PALLD: variants seen among roughly 807,000 people sequenced by gnomAD.
PALLD encodes palladin.
In PALLD, 61 loss-of-function variants were observed where a neutral mutation model predicts 123.5. That is an observed-to-expected ratio of 0.49 (90% CI 0.40 to 0.61). The LOEUF is 0.61. Ranked by LOEUF, PALLD falls within the 20% of genes least tolerant of loss-of-function variation. The pLI, the probability that PALLD is intolerant of heterozygous loss-of-function variation, is 0.00. For missense variants in PALLD, 1,273 were observed against 1,377.0 expected, an observed-to-expected ratio of 0.92 and a Z score of 1.20; for synonymous variants, 465 against 496.4, an observed-to-expected ratio of 0.94 and a Z score of 0.84.
At chr4:168,924,531 T>C (rs1762201462) in intron 19 of PALLD, 111 bp downstream of exon 19, 2 of 1,078,696 alleles carry the variant, frequency 1.9e-6, no homozygotes, top group East Asian at 2.4e-5. Context: ...CATAGATGTT[T>C]TGATTTTTGA....
chr4:168,551,457 A>T lies in PALLD; in HGVS notation c.908+39045A>T, dbSNP rs202242703. 2.6e-5 allele frequency among the ~76,000 whole-genome samples: 4 copies of T among 152,320 alleles called. No homozygotes were observed. The East Asian group carries it at 7.7e-4, about 29-fold the overall frequency. ...ACAATTCTTTTATTGTGTAAATGGTAGAATTCCTGAGTGCTTGGTGCATTA... is the reference window on the plus strand; with the variant it reads ...ACAATTCTTTTATTGTGTAAATGGTTGAATTCCTGAGTGCTTGGTGCATTA... On this transcript the variant is annotated intron_variant, in intron 2 of 21. Coordinates refer to ENST00000505667, the MANE Select transcript of PALLD (RefSeq NM_001166108.2).
chr4:168,760,798 T>A (rs1323477749), intron 10 of PALLD, among the ~76,000 whole-genome samples: 1 of 152,206 alleles, frequency 6.6e-6, no homozygotes, highest in African/African-American at 2.4e-5. Flanking sequence ...TCCTTGAAAT[T>A]GAAACCTAGA....
In PALLD at chr4:168,926,200, T is replaced by C. The variant is rs1322010330; in HGVS notation, c.*33-13T>C. On this transcript the variant is annotated splice_polypyrimidine_tract_variant and intron_variant, in intron 21 of 21. Transcript: ENST00000505667. ...CTTGATTAAAAATCTTAATTTACTC[T>C]TTTTCTTTGTAGCCCAGTGGCATCA... The C allele has an allele frequency of 1.3e-6, 2 of 1,506,668 alleles. No homozygotes were observed. The highest frequency in any genetic ancestry group is 1.8e-6 in the Non-Finnish European group (2 of 1,132,250). 93.3% of individuals were successfully genotyped at this position (1,506,668 alleles called of 1,614,324 possible).
intron 10 of PALLD, among the ~76,000 whole-genome samples, chr4:168,735,892 C>T (rs1166727657): frequency 6.6e-6 from 1 of 152,208 alleles, no homozygotes; most frequent in Non-Finnish European, 1.5e-5. Flanking sequence ...TTGCAAATTA[C>T]TTTCATTGCC....
At chr4:168,515,539 C>A (rs1762909092) in intron 2 of PALLD, among the ~76,000 whole-genome samples, 1 of 152,116 alleles carries the variant, frequency 6.6e-6, no homozygotes, top group Non-Finnish European at 1.5e-5. Context: ...AGACGCTCCT[C>A]AGTGTTGGGT....
Position 168,927,673 on chromosome 4 carries a change from A to G in PALLD, c.*1493A>G. Reference sequence around the variant, plus strand: ...TGCTGCCATGAAACTTTGCCTTAAGAAGGTGCTGGATTCCAAGGTTTGTAA... The same window carrying G: ...TGCTGCCATGAAACTTTGCCTTAAGGAGGTGCTGGATTCCAAGGTTTGTAA... On this transcript the variant is annotated 3_prime_UTR_variant, in exon 22 of 22. Transcript: ENST00000505667. 4.4e-6 allele frequency: 1 copy of G among 226,158 alleles called. No individual in the cohort carries two copies. Among genetic ancestry groups the G allele is most frequent in the Admixed American group, 5.7e-5 (1 of 17,570 alleles). The allele number at this position is 226,158 out of a possible 1,614,324, so 14.0% of individuals were successfully genotyped here.
At chr4:168,765,076 T>C (rs985472769) in intron 10 of PALLD, among the ~76,000 whole-genome samples, 42 of 152,200 alleles carry the variant, frequency 2.8e-4, no homozygotes, top group Admixed American at 1.2e-3. Context: ...TTATCAGGCT[T>C]AGGAATCAGA....
intron 2 of PALLD, among the ~76,000 whole-genome samples, chr4:168,659,865 A>T (rs1005403362): frequency 6.6e-6 from 1 of 152,230 alleles, no homozygotes; most frequent in Middle Eastern, 3.2e-3. Flanking sequence ...CATAAAATCT[A>T]TATTTCCTGC....
chr4:168,647,029 T>G (rs1024383125), intron 2 of PALLD, among the ~76,000 whole-genome samples: 1 of 152,180 alleles, frequency 6.6e-6, no homozygotes, highest in African/African-American at 2.4e-5. Flanking sequence ...TCAATGTGCA[T>G]AGCAAAAATA....
chr4:168,643,026 T>G (rs1443559740), intron 2 of PALLD, among the ~76,000 whole-genome samples: 1 of 152,210 alleles, frequency 6.6e-6, no homozygotes, highest in Admixed American at 6.5e-5. Flanking sequence ...CTGTAGAGCC[T>G]TAGAATGTTC....
intron 2 of PALLD, among the ~76,000 whole-genome samples, chr4:168,548,715 T>C (rs748575204): frequency 1.3e-5 from 2 of 152,232 alleles, no homozygotes; most frequent in African/African-American, 4.8e-5. Context: ...TAATAAAGGA[T>C]AATAAGGATA....
intron 2 of PALLD, among the ~76,000 whole-genome samples, chr4:168,526,031 A>C (rs1414370490): frequency 6.6e-6 from 1 of 152,142 alleles, no homozygotes; most frequent in East Asian, 1.9e-4. Context: ...TTGTTCATCC[A>C]GTGCACTATG....
intron 6 of PALLD, among the ~76,000 whole-genome samples, chr4:168,686,126 A>G (rs978360902): frequency 3.3e-5 from 5 of 152,222 alleles, no homozygotes; most frequent in Admixed American, 3.3e-4. Flanking sequence ...AATAGACCGT[A>G]TAAAGCCATG....
chr4:168,631,471 C>G (rs986852262), intron 2 of PALLD: 3 of 397,262 alleles, frequency 7.6e-6, no homozygotes, highest in African/African-American at 6.5e-5. Flanking sequence ...CAAAAGCCGT[C>G]CTAAGTGCGA....
At position 168,554,529 on chromosome 4, in the gene PALLD, A is replaced by T. The variant is rs143047200; in HGVS notation, c.908+42117A>T. On this transcript the variant is annotated intron_variant, in intron 2 of 21. Transcript: ENST00000505667. The stretch of plus-strand genomic sequence containing the variant: ...GATGTTCATAGTCTCACAGCAATGC[A>T]TGTTACCTGTATTTTTAGAATTGTT... 5.9e-5 allele frequency among the ~76,000 whole-genome samples: 9 copies of T among 152,254 alleles called. No individual in the cohort carries two copies. In the East Asian group the frequency reaches 1.7e-3, roughly 30 times the overall value.
At chr4:168,675,552 G>A (rs925805282) in intron 3 of PALLD, among the ~76,000 whole-genome samples, 2 of 152,088 alleles carry the variant, frequency 1.3e-5, no homozygotes, top group South Asian at 2.1e-4. Flanking sequence ...GCCATTCTTC[G>A]TGTTATCTAT....
At chr4:168,588,358 A>C (rs747141854) in intron 2 of PALLD, among the ~76,000 whole-genome samples, 6 of 152,098 alleles carry the variant, frequency 3.9e-5, no homozygotes, top group Admixed American at 6.6e-5. Context: ...TCACCCTCAG[A>C]TGGTTGTCTG....
intron 8 of PALLD, chr4:168,699,960 T>G (rs139488523): frequency 0.012 from 2,201 of 176,236 alleles, 20 homozygotes; most frequent in Non-Finnish European, 0.017. Flanking sequence ...CTAAATCCCT[T>G]TATGTGACAT....
At chr4:168,739,886 C>A (rs1788158778) in intron 10 of PALLD, among the ~76,000 whole-genome samples, 1 of 152,182 alleles carries the variant, frequency 6.6e-6, no homozygotes, top group South Asian at 2.1e-4. Flanking sequence ...AATTAGAATT[C>A]TTGTCCCTTT....
Sources: allele counts gnomAD v4.1 joint callset (sites outside exome capture counted in the v4.1 genomes callset), GRCh38; gene constraint gnomAD v4.1.1; transcripts MANE v1.5; gene names NCBI Gene and HGNC (gene_info 2026-07-23, HGNC 2026-07-21).